Variants in UMAD1 observed in about 807,000 individuals in gnomAD.
UMAD1 encodes UBAP1-MVB12-associated (UMA) domain containing 1.
Under a neutral mutation model 6.1 loss-of-function variants are expected in UMAD1, and 8 were observed. That is an observed-to-expected ratio of 1.30 (90% CI 0.76 to 2.35). The LOEUF is 2.35. Ranked by LOEUF, UMAD1 falls within the 30% of genes most tolerant of loss-of-function variation. The pLI is 0.00. For synonymous variants in UMAD1, 56 were observed against 31.4 expected, an observed-to-expected ratio of 1.78 and a Z score of -2.61; for missense variants, 130 against 78.4, an observed-to-expected ratio of 1.66 and a Z score of -2.49.
chr7:7,648,252 C>G (rs987855412), intron 1 of UMAD1, among the ~76,000 whole-genome samples: 2 of 152,216 alleles, frequency 1.3e-5, no homozygotes, highest in Non-Finnish European at 2.9e-5. Flanking sequence ...TAGCGTTTGA[C>G]AGATCATGAG....
At chr7:7,680,117 A>C (rs924111930) in intron 2 of UMAD1, among the ~76,000 whole-genome samples, 1 of 152,090 alleles carries the variant, frequency 6.6e-6, no homozygotes, top group Admixed American at 6.6e-5. Context: ...ATCTTTGTTC[A>C]GATTACTGTC....
intron 2 of UMAD1, chr7:7,738,505 G>A (rs541782057): frequency 2.9e-4 from 44 of 152,320 alleles, no homozygotes; most frequent in African/African-American, 9.9e-4. Context: ...AAAATAACAT[G>A]GTTGTAAAAG....
At chr7:7,845,705 A>C (rs759811566) in intron 3 of UMAD1, among the ~76,000 whole-genome samples, 1 of 152,124 alleles carries the variant, frequency 6.6e-6, no homozygotes, top group Admixed American at 6.6e-5. Flanking sequence ...GGTTTTCCCT[A>C]TGAAAACCTT....
At chr7:7,675,496 A>G (rs1013502600) in intron 2 of UMAD1, among the ~76,000 whole-genome samples, 1 of 152,168 alleles carries the variant, frequency 6.6e-6, no homozygotes, top group Non-Finnish European at 1.5e-5. Context: ...TCTGCCTCCG[A>G]GTATTATCTA....
In UMAD1 at chr7:7,717,063, T is replaced by TTTTC. The variant is rs1380576481; in HGVS notation, c.82+43613_82+43614insCTTT. 8.0e-5 allele frequency among the ~76,000 whole-genome samples: 12 copies of TTTTC among 150,024 alleles called. 1 individual carries two copies. Among genetic ancestry groups the TTTTC allele is most frequent in the African/African-American group, 2.9e-4 (12 of 40,788 alleles). ...CTTTTTCTTTCTTTCTTTTTTTCTT[T>TTTTC]TTTTTTTTTTTGAGACGGAGTCTTG... On this transcript the variant is annotated intron_variant, in intron 2 of 3. Coordinates refer to ENST00000682710, the MANE Select transcript of UMAD1 (RefSeq NM_001302348.2).
intron 2 of UMAD1, among the ~76,000 whole-genome samples, chr7:7,698,837 G>A (rs914749663): frequency 2.7e-5 from 4 of 150,558 alleles, no homozygotes; most frequent in Admixed American, 1.3e-4. Context: ...ATTTCTGGCT[G>A]TGGATTTCGT....
chr7:7,725,537 C>T (rs1403977826), intron 2 of UMAD1, among the ~76,000 whole-genome samples: 1 of 152,184 alleles, frequency 6.6e-6, no homozygotes, highest in Non-Finnish European at 1.5e-5. Flanking sequence ...AGCTCTTGGC[C>T]TGTTACTGGG....
At chr7:7,724,892 A>G (rs1451799420) in intron 2 of UMAD1, among the ~76,000 whole-genome samples, 1 of 152,192 alleles carries the variant, frequency 6.6e-6, no homozygotes, top group South Asian at 2.1e-4. Context: ...TTTGTGTCAT[A>G]ATGTTATTTG....
At chr7:7,822,374 G>C (rs1344807785) in intron 3 of UMAD1, among the ~76,000 whole-genome samples, 1 of 151,706 alleles carries the variant, frequency 6.6e-6, no homozygotes, top group Non-Finnish European at 1.5e-5. Context: ...AGTTAATCTT[G>C]TTCCAAAAAA....
chr7:7,837,566 C>T (rs1783594111), intron 3 of UMAD1, among the ~76,000 whole-genome samples: 1 of 151,832 alleles, frequency 6.6e-6, no homozygotes, highest in South Asian at 2.1e-4. Flanking sequence ...GTTAACATTT[C>T]TAGGGTATTC....
At chr7:7,815,223 G>T (rs1005708595) in intron 3 of UMAD1, among the ~76,000 whole-genome samples, 3 of 152,090 alleles carry the variant, frequency 2.0e-5, no homozygotes, top group Admixed American at 2.0e-4. Context: ...TTGTAGCTCA[G>T]ATCTTGGCTT....
In UMAD1 at chr7:7,652,109, G is replaced by A. The variant is rs148622783; in HGVS notation, c.-64+11288G>A. Among the ~76,000 whole-genome samples the A allele has an allele frequency of 1.4e-3, 215 of 152,326 alleles. 2 individuals are homozygous for A. The highest frequency in any genetic ancestry group is 4.8e-3 in the African/African-American group (199 of 41,572). On this transcript the variant is annotated intron_variant, in intron 1 of 3. Coordinates refer to ENST00000682710, the MANE Select transcript of UMAD1 (RefSeq NM_001302348.2). Reference sequence around the variant, plus strand: ...TGTCTGGCAGTCTTTTTTTCTGGTAGATATAGCTCTTGTATTTTATAATTA... The same window carrying A: ...TGTCTGGCAGTCTTTTTTTCTGGTAAATATAGCTCTTGTATTTTATAATTA...
intron 3 of UMAD1, among the ~76,000 whole-genome samples, chr7:7,820,496 T>C (rs977244195): frequency 2.0e-5 from 3 of 152,232 alleles, no homozygotes; most frequent in Admixed American, 6.5e-5. Flanking sequence ...TAAAATATTA[T>C]GTCTTTTAAA....
chr7:7,840,922 C>A (rs552097086), intron 3 of UMAD1, among the ~76,000 whole-genome samples: 1 of 152,276 alleles, frequency 6.6e-6, no homozygotes, highest in Admixed American at 6.5e-5. Flanking sequence ...GCAGTCTGCA[C>A]TTGTCAGAAG....
chr7:7,789,039 A>G (rs895727920), intron 2 of UMAD1, among the ~76,000 whole-genome samples: 1 of 152,252 alleles, frequency 6.6e-6, no homozygotes, highest in African/African-American at 2.4e-5. Context: ...GCATATTGAT[A>G]TGCAGTATCA....
At chr7:7,876,614 G>A (rs570729571) in intron 3 of UMAD1, among the ~76,000 whole-genome samples, 16 of 152,238 alleles carry the variant, frequency 1.1e-4, no homozygotes, top group South Asian at 8.3e-4. Flanking sequence ...AAAAAATTGC[G>A]TAACTTTTAT....
At chr7:7,751,811 T>C (rs1781683007) in intron 2 of UMAD1, among the ~76,000 whole-genome samples, 1 of 152,166 alleles carries the variant, frequency 6.6e-6, no homozygotes, top group South Asian at 2.1e-4. Context: ...CGTGATCATA[T>C]GGTTTTGCAA....
At chr7:7,645,509 C>G (rs1583687844) in intron 1 of UMAD1, among the ~76,000 whole-genome samples, 2 of 152,142 alleles carry the variant, frequency 1.3e-5, no homozygotes, top group East Asian at 3.8e-4. Context: ...CAAGTAAATC[C>G]ACGTTCTATG....
chr7:7,789,512 AT>A (rs1782525579), intron 2 of UMAD1, among the ~76,000 whole-genome samples: 1 of 152,112 alleles, frequency 6.6e-6, no homozygotes, highest in Non-Finnish European at 1.5e-5. Context: ...ATCTTAAACT[AT>A]TTTTGAGTAT....
Sources: gnomAD v4.1 joint callset for allele counts (sites outside exome capture counted in the v4.1 genomes callset) on GRCh38, gnomAD v4.1.1 for gene constraint, MANE v1.5 for transcripts, NCBI Gene and HGNC (gene_info 2026-07-23, HGNC 2026-07-21) for gene names.